The following NRXN2 variants were observed in gnomAD, a reference collection of about 807,000 sequenced individuals.
The protein encoded by NRXN2 is neurexin 2.
Under a neutral mutation model 128.8 loss-of-function variants are expected in NRXN2, and 29 were observed. The observed-to-expected ratio is 0.23, with a 90% confidence interval of 0.17 to 0.31. The LOEUF is 0.31. Ranked by LOEUF, NRXN2 falls within the 10% of genes least tolerant of loss-of-function variation. The pLI, the probability that NRXN2 is intolerant of heterozygous loss-of-function variation, is 1.00. For synonymous variants in NRXN2, 1,098 were observed against 1,075.2 expected (o/e 1.02, Z -0.41); for missense variants, 1,881 against 2,452.6 (o/e 0.77, Z 4.92).
chr11:64,719,811 T>A (rs1439021329), intron 1 of NRXN2, among the ~76,000 whole-genome samples: 1 of 152,122 alleles, frequency 6.6e-6, no homozygotes, highest in East Asian at 1.9e-4. Context: ...GCCTTGTGAG[T>A]AAGCATGAGG....
At chr11:64,637,532 T>G (rs1000875360) in intron 17 of NRXN2, 2 of 152,168 alleles carry the variant, frequency 1.3e-5, no homozygotes, top group Admixed American at 6.6e-5. Flanking sequence ...ATACCCAGGG[T>G]CCTCCTCCCC....
intron 17 of NRXN2, chr11:64,642,750 C>G: frequency 1.5e-6 from 2 of 1,306,326 alleles, no homozygotes; most frequent in East Asian, 3.1e-5. Context: ...GGGGCCCAGC[C>G]AGGGCCGGGG....
chr11:64,671,533 T>G (rs1669123075), intron 7 of NRXN2, among the ~76,000 whole-genome samples: 1 of 149,520 alleles, frequency 6.7e-6, no homozygotes, highest in Admixed American at 6.6e-5. Flanking sequence ...GTGGGGCCGG[T>G]GGGGGAGGAG....
At chr11:64,706,747 C>T (rs528458277) in intron 2 of NRXN2, among the ~76,000 whole-genome samples, 1 of 152,048 alleles carries the variant, frequency 6.6e-6, no homozygotes. Context: ...CAAACGACTT[C>T]CCCCAACCAA....
At chr11:64,704,190 G>C (rs1677783256) in intron 2 of NRXN2, among the ~76,000 whole-genome samples, 1 of 152,090 alleles carries the variant, frequency 6.6e-6, no homozygotes, top group Non-Finnish European at 1.5e-5. Flanking sequence ...TTAACTTTCA[G>C]ACACAAGACT....
rs1261055109 is a variant in NRXN2 at position 64,622,286 on chromosome 11, G to A, written c.4173+467C>T. Among the ~76,000 whole-genome samples, 1 of 152,160 alleles carries A rather than the reference G, an allele frequency of 6.6e-6. No individual in the cohort carries two copies. Among genetic ancestry groups the A allele is most frequent in the Non-Finnish European group, 1.5e-5 (1 of 68,014 alleles). ...TCTGGAGAGGGGCTGCCCATGCCAG[G>A]TGACTGCATCCAGCCCTCCCATGCT... On this transcript the variant is annotated intron_variant, in intron 21 of 22. Coordinates refer to ENST00000265459, the MANE Select transcript of NRXN2 (RefSeq NM_015080.4). This position sits in a 1 kb window ranked among gnomAD's most constrained non-coding sequence, Gnocchi z 4.3.
At chr11:64,624,453 C>G (rs1423025786) in intron 20 of NRXN2, among the ~76,000 whole-genome samples, 2 of 152,134 alleles carry the variant, frequency 1.3e-5, no homozygotes, top group African/African-American at 4.8e-5. Context: ...TACTAATGGC[C>G]AAGAGGCCAA....
Position 64,648,628 on chromosome 11 carries a change from A to T in NRXN2, c.3283+106T>A, listed in dbSNP as rs1038326573. On this transcript the variant is annotated intron_variant, in intron 16 of 22. Coordinates refer to ENST00000265459, the MANE Select transcript of NRXN2 (RefSeq NM_015080.4). This position sits in a 1 kb window ranked among gnomAD's most constrained non-coding sequence, Gnocchi z 4.1. ...GGGCAAGCTCCCATAAGGCCTGAGA[A>T]GGAAGGCCCCTTGGCAGAGCAAAGG... 4 of 1,472,018 alleles carry T rather than the reference A, an allele frequency of 2.7e-6. No individual in the cohort carries two copies. The highest frequency in any genetic ancestry group is 3.8e-6 in the Non-Finnish European group (4 of 1,054,538). 91.2% of individuals were successfully genotyped at this position (1,472,018 alleles called of 1,614,324 possible).
intron 17 of NRXN2, among the ~76,000 whole-genome samples, chr11:64,640,339 G>T (rs1228808152): frequency 6.6e-6 from 1 of 152,132 alleles, no homozygotes; most frequent in Non-Finnish European, 1.5e-5. Flanking sequence ...CCCTCAGCCA[G>T]TTCCTCTCTC....
chr11:64,611,914 C>T (rs1221088533), intron 22 of NRXN2, among the ~76,000 whole-genome samples: 1 of 151,254 alleles, frequency 6.6e-6, no homozygotes, highest in Non-Finnish European at 1.5e-5. Context: ...CCCACACTGC[C>T]ATGACTCCCC....
In NRXN2 at chr11:64,631,119, TG is replaced by T. The variant is rs2135372942; in HGVS notation, c.3586-547del. ...CACCAGGGCATTAGCATGCCTCTCC[TG>T]GCAGCCTCTCAGGCCCAAAGTAGGT... On this transcript the variant is annotated intron_variant, in intron 18 of 22. Coordinates refer to ENST00000265459, the MANE Select transcript of NRXN2 (RefSeq NM_015080.4). This position sits in a 1 kb window ranked among gnomAD's most constrained non-coding sequence, Gnocchi z 4.8. Among the ~76,000 whole-genome samples, 1 of 152,284 alleles carries T rather than the reference TG, an allele frequency of 6.6e-6. No homozygotes were observed. Among genetic ancestry groups the T allele is most frequent in the South Asian group, 2.1e-4 (1 of 4,828 alleles).
chr11:64,650,787 T>C lies in NRXN2; in HGVS notation c.2919-149A>G, dbSNP rs555456. On this transcript the variant is annotated intron_variant, in intron 14 of 22. Transcript: ENST00000265459. ...CCCAGAGGAGAGCGACCAAAACCAA[T>C]GGCAAGAGGGCTATGGTGTGAGGTC... The C allele has an allele frequency of 0.6, 411,674 of 689,840 alleles. 134,192 individuals carry two copies. Among genetic ancestry groups the C allele is most frequent in the Non-Finnish European group, 0.7 (277,122 of 395,048 alleles). 42.7% of individuals were successfully genotyped at this position (689,840 alleles called of 1,614,324 possible). A position where few individuals can be genotyped will look rare whatever the true frequency, so the allele number is the denominator to read the frequency against.
Position 64,661,118 on chromosome 11 carries a change from C to T in NRXN2, c.1820G>A (p.Arg607His), listed in dbSNP as rs762720032. 6.2e-6 allele frequency: 10 copies of T among 1,613,444 alleles called. No individual in the cohort carries two copies. The East Asian group carries it at 6.7e-5, about 11-fold the overall frequency. Residue 607 changes from arginine (R) to histidine (H), a missense_variant, in exon 10 of 23, where the codon CGC (arginine) becomes CAC (histidine). Around this residue, in one of 7 missense-constraint regions of NRXN2, gnomAD observed 997 missense variants for 1,240.8 expected, o/e 0.80. Transcript: ENST00000265459. ...GRKGSISVNSRSTPFLATGDS... is the reference protein window; with the variant it reads ...GRKGSISVNSHSTPFLATGDS... ...TCCAGTGGCCAAGAACGGCGTGCTGCGACTATTCACTGAGATGGAGCCTGG... is the reference window on the plus strand; with the variant it reads ...TCCAGTGGCCAAGAACGGCGTGCTGTGACTATTCACTGAGATGGAGCCTGG...
intron 12 of NRXN2, 72 bp downstream of exon 12, chr11:64,653,623 TC>T: frequency 7.1e-7 from 1 of 1,411,908 alleles, no homozygotes; most frequent in Non-Finnish European, 9.9e-7. Context: ...CCTCCCAGCC[TC>T]CCTCCCTAAA....
chr11:64,696,992 A>G (rs1242891872), intron 3 of NRXN2, among the ~76,000 whole-genome samples: 1 of 152,212 alleles, frequency 6.6e-6, no homozygotes. Flanking sequence ...GGAAGGAGAG[A>G]CACATGGTCC....
At position 64,626,449 on chromosome 11, in the gene NRXN2, T is replaced by C; in HGVS notation, c.3847+14A>G. The C allele has an allele frequency of 6.3e-7, 1 of 1,574,812 alleles. No individual in the cohort carries two copies. Among genetic ancestry groups the C allele is most frequent in the Non-Finnish European group, 8.7e-7 (1 of 1,144,418 alleles). On this transcript the variant is annotated intron_variant, in intron 20 of 22. Transcript: ENST00000265459. ...TAAAGTTAATTAATTAATTAATTAATTCTGGTTAATTACCTTTGTCGAGCA... is the reference window on the plus strand; with the variant it reads ...TAAAGTTAATTAATTAATTAATTAACTCTGGTTAATTACCTTTGTCGAGCA...
chr11:64,648,421 G>A lies in NRXN2; in HGVS notation c.3284-83C>T, dbSNP rs2047015042. ...GGAGGTGTGGAAGCTTCAGAGCCAG[G>A]CAGAGAGGTCCTACTCTGAGCTCTG... On this transcript the variant is annotated intron_variant, in intron 16 of 22. Transcript: ENST00000265459. The surrounding 1 kb of genome is among the most constrained non-coding windows in gnomAD (Gnocchi z 4.1). 3.7e-6 allele frequency: 6 copies of A among 1,602,624 alleles called. No homozygotes were observed. The highest frequency in any genetic ancestry group is 2.7e-5 in the African/African-American group (2 of 74,710).
chr11:64,616,511 G>A (rs895698981), intron 22 of NRXN2, among the ~76,000 whole-genome samples: 3 of 152,136 alleles, frequency 2.0e-5, no homozygotes, highest in Admixed American at 2.0e-4. Context: ...TGTTACACAG[G>A]TGGATCTGTG....
At chr11:64,609,850 G>A (rs562109743) in intron 22 of NRXN2, among the ~76,000 whole-genome samples, 1 of 152,132 alleles carries the variant, frequency 6.6e-6, no homozygotes, top group Non-Finnish European at 1.5e-5. Flanking sequence ...GCAGGGTGTG[G>A]TCTTCATAGA....
Sources: allele counts gnomAD v4.1 joint callset (sites outside exome capture counted in the v4.1 genomes callset), GRCh38; gene constraint gnomAD v4.1.1; regional missense constraint gnomAD v4.1.1; non-coding constraint Gnocchi (gnomAD v3.1); transcripts MANE v1.5; gene names NCBI Gene and HGNC (gene_info 2026-07-23, HGNC 2026-07-21).